The following SRGAP3 variants were observed in gnomAD, a reference collection of about 807,000 sequenced individuals.
SRGAP3 encodes the protein SLIT-ROBO Rho GTPase-activating protein 3.
Under a neutral mutation model 121.1 loss-of-function variants are expected in SRGAP3, and 39 were observed. The ratio of observed to expected loss-of-function variants is 0.32; its 90% CI spans 0.25 to 0.42. SRGAP3 has a LOEUF of 0.42. Ranked by LOEUF, SRGAP3 falls within the 10% of genes least tolerant of loss-of-function variation. SRGAP3 has a pLI of 1.00. For synonymous variants in SRGAP3, 601 were observed against 570.0 expected (o/e 1.05, Z -0.77); for missense variants, 1,213 against 1,470.6 (o/e 0.82, Z 2.86).
intron 17 of SRGAP3, among the ~76,000 whole-genome samples, chr3:9,011,819 T>C (rs1433529321): frequency 7.2e-5 from 11 of 152,206 alleles, no homozygotes; most frequent in African/African-American, 2.7e-4. Flanking sequence ...TTTTTTGGTT[T>C]TGAAGACTCC....
Position 9,142,008 on chromosome 3 carries a change from G to T in SRGAP3, c.68-17091C>A, listed in dbSNP as rs143881668. On this transcript the variant is annotated intron_variant, in intron 1 of 21. Transcript: ENST00000383836. ...TGCAAGCCTGAAAGCAGATAATGTT[G>T]GAATATGCACATACCCTCGATCCAG... Among the ~76,000 whole-genome samples the T allele has an allele frequency of 3.9e-3, 593 of 152,240 alleles. 12 individuals carry two copies. Among genetic ancestry groups the T allele is most frequent in the African/African-American group, 0.013 (560 of 41,534 alleles).
intron 8 of SRGAP3, among the ~76,000 whole-genome samples, chr3:9,055,885 T>TTTTG (rs146660097): frequency 0.019 from 2,879 of 150,728 alleles, 30 homozygotes; most frequent in Middle Eastern, 0.041. Flanking sequence ...TCCTTTTGTG[T>TTTTG]TTTGTTTGTT....
At chr3:9,093,460 T>C (rs914222330) in intron 3 of SRGAP3, among the ~76,000 whole-genome samples, 3 of 152,084 alleles carry the variant, frequency 2.0e-5, no homozygotes, top group African/African-American at 7.2e-5. Flanking sequence ...CATCCATCCT[T>C]TCTTTCATCC....
At chr3:9,244,779 C>T (rs1018270622) in intron 1 of SRGAP3, among the ~76,000 whole-genome samples, 1 of 152,164 alleles carries the variant, frequency 6.6e-6, no homozygotes, top group African/African-American at 2.4e-5. Context: ...GTTAAGGACA[C>T]TTATGAGCAC....
rs191317649 is a variant in SRGAP3, at chr3:9,180,987, C to T, written c.68-56070G>A. On this transcript the variant is annotated intron_variant, in intron 1 of 21. Transcript: ENST00000383836. Reference sequence around the variant, plus strand: ...TTCAGACAACAGATGTCTGGAGACACGGAGGCAGCCGGGGGCAGTGGCAAA... The same window carrying T: ...TTCAGACAACAGATGTCTGGAGACATGGAGGCAGCCGGGGGCAGTGGCAAA... 1.1e-4 allele frequency among the ~76,000 whole-genome samples: 17 copies of T among 152,288 alleles called. No homozygotes were observed. In the East Asian group the frequency reaches 3.1e-3, roughly 28 times the overall value.
At chr3:9,348,168 T>C (rs1955941032) in intron 1 of SRGAP3, among the ~76,000 whole-genome samples, 1 of 152,190 alleles carries the variant, frequency 6.6e-6, no homozygotes, top group South Asian at 2.1e-4. Context: ...TCACAAATAG[T>C]TACATTTCAT....
At chr3:9,294,813 A>G (rs1954926480) in intron 3 of SRGAP3, among the ~76,000 whole-genome samples, 1 of 151,662 alleles carries the variant, frequency 6.6e-6, no homozygotes, top group Admixed American at 6.6e-5. Flanking sequence ...ACTATTACAC[A>G]GTAATCTCTT....
At chr3:9,031,768 T>C (rs1944496539) in intron 12 of SRGAP3, among the ~76,000 whole-genome samples, 1 of 152,228 alleles carries the variant, frequency 6.6e-6, no homozygotes, top group Non-Finnish European at 1.5e-5. Flanking sequence ...CTTTGTTTTT[T>C]CTCCTGATTG....
intron 3 of SRGAP3, among the ~76,000 whole-genome samples, chr3:9,304,771 CA>C (rs959274999): frequency 2.7e-4 from 41 of 152,142 alleles, no homozygotes; most frequent in African/African-American, 9.7e-4. Flanking sequence ...CAGGGCTTCC[CA>C]TTTCCAATTT....
chr3:9,214,793 C>G (rs1045415083), intron 1 of SRGAP3, among the ~76,000 whole-genome samples: 10 of 152,112 alleles, frequency 6.6e-5, no homozygotes, highest in Non-Finnish European at 1.3e-4. Context: ...GGCAGTATCT[C>G]TATCCAAGAG....
chr3:9,263,366 T>A (rs1288108697), intron 3 of SRGAP3, among the ~76,000 whole-genome samples: 1 of 150,974 alleles, frequency 6.6e-6, no homozygotes, highest in Non-Finnish European at 1.5e-5. Flanking sequence ...ATAACTAAGA[T>A]CAGAGCAGAA....
intron 3 of SRGAP3, among the ~76,000 whole-genome samples, chr3:9,291,633 C>G (rs1159562961): frequency 2.0e-5 from 3 of 151,630 alleles, no homozygotes; most frequent in Non-Finnish European, 4.4e-5. Flanking sequence ...CACACACACA[C>G]ACGCACACAC....
chr3:9,001,926 A>T (rs1467948075), intron 18 of SRGAP3, among the ~76,000 whole-genome samples: 1 of 152,198 alleles, frequency 6.6e-6, no homozygotes, highest in East Asian at 1.9e-4. Flanking sequence ...AAAAATGGAC[A>T]AAAACAAAGA....
chr3:9,027,753 GGA>G (rs1944287986), intron 12 of SRGAP3, among the ~76,000 whole-genome samples: 1 of 152,138 alleles, frequency 6.6e-6, no homozygotes, highest in Admixed American at 6.5e-5. Flanking sequence ...ATTTTCTTTT[GGA>G]TTCCATTATT....
At chr3:9,162,018 A>C (rs1575166631) in intron 1 of SRGAP3, among the ~76,000 whole-genome samples, 1 of 152,186 alleles carries the variant, frequency 6.6e-6, no homozygotes, top group African/African-American at 2.4e-5. Flanking sequence ...CATATGCCAC[A>C]ACATGAATGA....
chr3:9,126,104 G>A (rs1949216940), intron 1 of SRGAP3, among the ~76,000 whole-genome samples: 1 of 152,164 alleles, frequency 6.6e-6, no homozygotes, highest in Non-Finnish European at 1.5e-5. Flanking sequence ...CACAGGGTAT[G>A]CAAGCTGAGG....
intron 1 of SRGAP3, among the ~76,000 whole-genome samples, chr3:9,232,401 C>T (rs1262235971): frequency 6.6e-6 from 1 of 152,124 alleles, no homozygotes; most frequent in Non-Finnish European, 1.5e-5. Context: ...CTGACACTAC[C>T]ACCCTATTCC....
Position 9,239,102 on chromosome 3 carries a change from G to A in SRGAP3, c.67+9783C>T, listed in dbSNP as rs903971560. ...CCCAGCAGAATAAAGATGTGAGGCC[G>A]GCCGCAGTGGCTCACACCTATAATC... On this transcript the variant is annotated intron_variant, in intron 1 of 21. Transcript: ENST00000383836. The surrounding 1 kb of genome is among the most constrained non-coding windows in gnomAD (Gnocchi z 4.0). Among the ~76,000 whole-genome samples the A allele has an allele frequency of 2.6e-5, 4 of 152,114 alleles. No individual in the cohort carries two copies. The highest frequency in any genetic ancestry group is 9.7e-5 in the African/African-American group (4 of 41,412).
rs182358979 is a variant in SRGAP3 at position 9,010,993 on chromosome 3, C to T, written c.2148-606G>A. Among the ~76,000 whole-genome samples, 5 of 152,144 alleles carry T rather than the reference C, an allele frequency of 3.3e-5. No individual in the cohort carries two copies. The East Asian group carries it at 9.7e-4, about 29-fold the overall frequency. The stretch of plus-strand genomic sequence containing the variant: ...AATTTCACCAGCTACTACCCCCTCA[C>T]TAGATTATAAGCTTCTTGAGGCAAG... On this transcript the variant is annotated intron_variant, in intron 17 of 21. Coordinates refer to ENST00000383836, the MANE Select transcript of SRGAP3 (RefSeq NM_014850.4).
Sources: allele counts gnomAD v4.1 joint callset (sites outside exome capture counted in the v4.1 genomes callset), GRCh38; gene constraint gnomAD v4.1.1; non-coding constraint Gnocchi (gnomAD v3.1); transcripts MANE v1.5; gene names NCBI Gene and HGNC (gene_info 2026-07-23, HGNC 2026-07-21).